PHF14: variants seen among roughly 807,000 people sequenced by gnomAD.
PHF14 encodes PHD finger protein 14.
Under a neutral mutation model 117.9 loss-of-function variants are expected in PHF14, and 55 were observed. That is an observed-to-expected ratio of 0.47 (90% CI 0.38 to 0.58). The LOEUF is 0.58. Ranked by LOEUF, PHF14 falls within the 20% of genes least tolerant of loss-of-function variation. The probability of loss-of-function intolerance (pLI) is 0.00; values close to 1 mark genes in which losing one functional copy is unlikely to be tolerated. For synonymous variants in PHF14, 409 were observed against 368.6 expected (o/e 1.11, Z -1.26); for missense variants, 978 against 1,122.2 (o/e 0.87, Z 1.84).
At chr7:11,046,655 T>C (rs1383543548) in intron 13 of PHF14, among the ~76,000 whole-genome samples, 2 of 152,216 alleles carry the variant, frequency 1.3e-5, no homozygotes, top group Non-Finnish European at 2.9e-5. Context: ...TTACAGGTAT[T>C]ATAACTACAA....
intron 6 of PHF14, among the ~76,000 whole-genome samples, chr7:11,025,576 G>A (rs960760813): frequency 3.3e-5 from 5 of 149,802 alleles, no homozygotes; most frequent in African/African-American, 7.4e-5. Context: ...GGTGGATCAC[G>A]AGATCAGGAG....
intron 6 of PHF14, among the ~76,000 whole-genome samples, chr7:11,026,839 T>G (rs1001411008): frequency 1.1e-4 from 17 of 152,134 alleles, no homozygotes; most frequent in Admixed American, 7.9e-4. Flanking sequence ...TTGCTTATTT[T>G]GCTTTAAGAA....
intron 17 of PHF14, among the ~76,000 whole-genome samples, chr7:11,143,884 C>G (rs1399702313): frequency 6.6e-6 from 1 of 151,860 alleles, no homozygotes; most frequent in Non-Finnish European, 1.5e-5. Context: ...GGAACTATAT[C>G]AAACTAAAAA....
intron 17 of PHF14, among the ~76,000 whole-genome samples, chr7:11,116,799 C>T (rs1787613508): frequency 6.6e-6 from 1 of 151,878 alleles, no homozygotes. Flanking sequence ...TTGTTAAAAA[C>T]TTCAGTTTTT....
At position 11,020,192 on chromosome 7, in the gene PHF14, G is replaced by C. The variant is rs7780730; in HGVS notation, c.1206-2676G>C. Among the ~76,000 whole-genome samples the C allele has an allele frequency of 3.4e-3, 517 of 151,668 alleles. 2 individuals are homozygous for C. Among genetic ancestry groups the C allele is most frequent in the African/African-American group, 0.012 (504 of 41,354 alleles). On this transcript the variant is annotated intron_variant, in intron 5 of 17. Coordinates refer to ENST00000634607, the MANE Select transcript of PHF14 (RefSeq NM_001007157.2). ...TAACCTCTGCCTCCTGGGCTCAGGT[G>C]ATCCTCCCACTGAAGCTTCCTGAGT... is the stretch of plus-strand genomic sequence containing the variant.
intron 17 of PHF14, among the ~76,000 whole-genome samples, chr7:11,125,425 C>G (rs191864255): frequency 6.6e-6 from 1 of 152,176 alleles, no homozygotes. Flanking sequence ...GTACAAGTTT[C>G]TCTTCTTCAA....
intron 4 of PHF14, among the ~76,000 whole-genome samples, chr7:10,998,909 T>G (rs2128312468): frequency 6.6e-6 from 1 of 152,352 alleles, no homozygotes; most frequent in African/African-American, 2.4e-5. Context: ...TTGTGGTCAT[T>G]GACTATGGAT....
intron 13 of PHF14, among the ~76,000 whole-genome samples, chr7:11,049,300 C>A (rs1394271827): frequency 1.3e-5 from 2 of 151,804 alleles, no homozygotes; most frequent in African/African-American, 4.8e-5. Context: ...TATAGTGAAA[C>A]CCTGTCTCTA....
At chr7:11,118,220 G>A (rs1434288724) in intron 17 of PHF14, among the ~76,000 whole-genome samples, 1 of 151,876 alleles carries the variant, frequency 6.6e-6, no homozygotes, top group Admixed American at 6.6e-5. Flanking sequence ...AAAAGTCTGA[G>A]AATTAAAACT....
At chr7:11,035,026 G>C (rs1352291790) in intron 7 of PHF14, among the ~76,000 whole-genome samples, 1 of 150,922 alleles carries the variant, frequency 6.6e-6, no homozygotes, top group Non-Finnish European at 1.5e-5. Context: ...TTTAAACAGT[G>C]ACTTTTTAAA....
At chr7:11,120,895 C>T (rs908607831) in intron 17 of PHF14, among the ~76,000 whole-genome samples, 19 of 152,030 alleles carry the variant, frequency 1.2e-4, no homozygotes, top group Non-Finnish European at 1.3e-4. Flanking sequence ...TTTTTACTGA[C>T]GACATATTTT....
intron 17 of PHF14, among the ~76,000 whole-genome samples, chr7:11,145,266 G>A (rs1172089557): frequency 1.5e-5 from 2 of 134,392 alleles, no homozygotes; most frequent in Admixed American, 8.0e-5. Flanking sequence ...TATTATAGGT[G>A]TATGTCCTCA....
chr7:11,026,799 G>A (rs886717257), intron 6 of PHF14, among the ~76,000 whole-genome samples: 1 of 149,686 alleles, frequency 6.7e-6, no homozygotes. Flanking sequence ...AAAGTTCCAT[G>A]TACAGAAACA....
chr7:11,144,881 G>T (rs1338540940), intron 17 of PHF14, among the ~76,000 whole-genome samples: 1 of 151,834 alleles, frequency 6.6e-6, no homozygotes, highest in African/African-American at 2.4e-5. Flanking sequence ...CTTGTAAGAA[G>T]TAGTAAGAGT....
chr7:11,136,221 C>G lies in PHF14; in HGVS notation c.2772+24754C>G, dbSNP rs546641949. ...TGTTGTGACTTCCGCAGTGCCAAAT[C>G]TATTGTATGCCGTGGTGGGATGCTG... On this transcript the variant is annotated intron_variant, in intron 17 of 17. Coordinates refer to ENST00000634607, the MANE Select transcript of PHF14 (RefSeq NM_001007157.2). Among the ~76,000 whole-genome samples the G allele has an allele frequency of 6.6e-5, 10 of 152,226 alleles. 1 individual carries two copies. The highest frequency in any genetic ancestry group is 2.2e-4 in the African/African-American group (9 of 41,572).
intron 17 of PHF14, among the ~76,000 whole-genome samples, chr7:11,164,508 C>G (rs541402341): frequency 1.2e-4 from 18 of 152,234 alleles, no homozygotes; most frequent in African/African-American, 3.9e-4. Context: ...AGTGTAGAGG[C>G]TACAGGTGCC....
intron 11 of PHF14, 113 bp from the exon 12 acceptor site, chr7:11,040,559 A>G: frequency 2.3e-6 from 1 of 432,528 alleles, no homozygotes; most frequent in Non-Finnish European, 4.2e-6. Context: ...GATAAAGCAG[A>G]TTTCCCCCTA....
chr7:11,099,377 G>A (rs1249348738), intron 16 of PHF14, among the ~76,000 whole-genome samples: 1 of 152,030 alleles, frequency 6.6e-6, no homozygotes, highest in Non-Finnish European at 1.5e-5. Context: ...TTTAATAGAT[G>A]CAGTATAGTC....
intron 13 of PHF14, among the ~76,000 whole-genome samples, chr7:11,049,968 T>C (rs1357153577): frequency 1.3e-5 from 2 of 152,214 alleles, no homozygotes; most frequent in African/African-American, 4.8e-5. Context: ...TGTTTTGCTT[T>C]CACTGATCAG....
Sources: allele counts gnomAD v4.1 joint callset (sites outside exome capture counted in the v4.1 genomes callset), GRCh38; gene constraint gnomAD v4.1.1; transcripts MANE v1.5; gene names NCBI Gene and HGNC (gene_info 2026-07-23, HGNC 2026-07-21).